The following KIAA1217 variants were observed in gnomAD, a reference collection of about 807,000 sequenced individuals.
The protein encoded by KIAA1217 is KIAA1217.
A neutral mutation model predicts 163.9 loss-of-function variants in KIAA1217; 88 were observed. That is an observed-to-expected ratio of 0.54 (90% CI 0.45 to 0.64). The LOEUF is 0.64. Among genes scored for constraint, KIAA1217 ranks in the 30% least tolerant of loss-of-function variants. The pLI is 0.00. For synonymous variants in KIAA1217, 903 were observed against 923.1 expected (o/e 0.98, Z 0.39); for missense variants, 2,372 against 2,475.0 (o/e 0.96, Z 0.88).
chr10:24,246,068 G>A lies in KIAA1217; in HGVS notation c.354+26159G>A, dbSNP rs142051330. ...AATTTTGCACAAAGAAGGGTTGCAC[G>A]GGCTCCGTTCATCTTTAACTTATTA... On this transcript the variant is annotated intron_variant, in intron 2 of 20. Coordinates refer to ENST00000376454, the MANE Select transcript of KIAA1217 (RefSeq NM_019590.5). Among the ~76,000 whole-genome samples, 113 of 152,212 alleles carry A rather than the reference G, an allele frequency of 7.4e-4. 1 individual carries two copies. The highest frequency in any genetic ancestry group is 6.4e-3 in the East Asian group (33 of 5,168).
chr10:24,481,578 G>A (rs1028531326), intron 6 of KIAA1217: 1 of 152,158 alleles, frequency 6.6e-6, no homozygotes, highest in Non-Finnish European at 1.5e-5. Context: ...GAGGAACGAC[G>A]ACAGGACTAA....
chr10:24,341,525 G>C (rs966802304), intron 2 of KIAA1217, among the ~76,000 whole-genome samples: 1 of 152,116 alleles, frequency 6.6e-6, no homozygotes, highest in Admixed American at 6.5e-5. Context: ...GATACGTATA[G>C]TATCTCCTCT....
At chr10:23,800,260 GA>G (rs1836408236) in intron 1 of KIAA1217, among the ~76,000 whole-genome samples, 1 of 152,118 alleles carries the variant, frequency 6.6e-6, no homozygotes, top group African/African-American at 2.4e-5. Context: ...TTCCTCAGTG[GA>G]TTTGAGGGGG....
intron 7 of KIAA1217, 114 bp downstream of exon 7, chr10:24,494,718 A>G: frequency 1.3e-6 from 1 of 796,150 alleles, no homozygotes; most frequent in South Asian, 1.8e-5. Flanking sequence ...GGCTGAAAAT[A>G]TTCACATCTC....
chr10:23,753,382 C>T (rs983821324), intron 1 of KIAA1217, among the ~76,000 whole-genome samples: 2 of 152,162 alleles, frequency 1.3e-5, no homozygotes, highest in South Asian at 2.1e-4. Flanking sequence ...TTGCACTGTA[C>T]GAAGCTGTGT....
chr10:23,779,073 A>G (rs964982723), intron 1 of KIAA1217, among the ~76,000 whole-genome samples: 3 of 152,288 alleles, frequency 2.0e-5, no homozygotes, highest in Admixed American at 2.0e-4. Context: ...CAATGTTTTT[A>G]TAAGATAACT....
chr10:24,543,165 C>CAG lies in KIAA1217; in HGVS notation c.3897_3898dup (p.Thr1300ArgfsTer3). On this transcript the variant is annotated frameshift_variant, in exon 19 of 21. Coordinates refer to ENST00000376454, the MANE Select transcript of KIAA1217 (RefSeq NM_019590.5). LOFTEE classifies it high-confidence loss of function. The stretch of plus-strand genomic sequence containing the variant: ...ATACTCTATACCTGACACCGAGAAC[C>CAG]AGACGCTGAATTACGGAAAGACAAA... 6.2e-7 allele frequency: 1 copy of CAG among 1,613,336 alleles called. No individual in the cohort carries two copies. The highest frequency in any genetic ancestry group is 8.5e-7 in the Non-Finnish European group (1 of 1,179,928).
chr10:23,969,101 C>T (rs1845192720), intron 1 of KIAA1217, among the ~76,000 whole-genome samples: 2 of 152,150 alleles, frequency 1.3e-5, no homozygotes, highest in Admixed American at 1.3e-4. Flanking sequence ...ATGGCACGAT[C>T]TCGGCTCACT....
At chr10:24,214,547 C>G (rs1416662112) in intron 1 of KIAA1217, among the ~76,000 whole-genome samples, 1 of 152,200 alleles carries the variant, frequency 6.6e-6, no homozygotes, top group African/African-American at 2.4e-5. Context: ...AATACATTGA[C>G]TGGAATTAGT....
At chr10:23,804,030 A>G (rs756355245) in intron 1 of KIAA1217, among the ~76,000 whole-genome samples, 12 of 152,252 alleles carry the variant, frequency 7.9e-5, no homozygotes, top group Non-Finnish European at 1.5e-4. Flanking sequence ...TTTTATATAC[A>G]TCATCATATA....
intron 1 of KIAA1217, among the ~76,000 whole-genome samples, chr10:24,001,920 A>T (rs1217509540): frequency 2.0e-5 from 3 of 152,108 alleles, no homozygotes; most frequent in South Asian, 4.1e-4. Context: ...TTTCAGGCAG[A>T]TACTGGATAT....
intron 1 of KIAA1217, among the ~76,000 whole-genome samples, chr10:23,976,648 G>C (rs1278668617): frequency 1.3e-5 from 2 of 152,158 alleles, no homozygotes; most frequent in Admixed American, 1.3e-4. Context: ...TATTAGGACA[G>C]ATTTAGAAAA....
intron 1 of KIAA1217, among the ~76,000 whole-genome samples, chr10:23,825,155 C>T (rs935783811): frequency 2.6e-5 from 4 of 152,158 alleles, no homozygotes; most frequent in Non-Finnish European, 4.4e-5. Flanking sequence ...TCTGCAAACC[C>T]TATTAGTGGT....
At chr10:23,743,917 C>T (rs1245892129) in intron 1 of KIAA1217, among the ~76,000 whole-genome samples, 1 of 151,886 alleles carries the variant, frequency 6.6e-6, no homozygotes, top group Non-Finnish European at 1.5e-5. Context: ...AAATAAATGT[C>T]TCTGAGAACC....
chr10:24,401,576 A>G (rs2056532272), intron 3 of KIAA1217, among the ~76,000 whole-genome samples: 1 of 152,206 alleles, frequency 6.6e-6, no homozygotes, highest in Admixed American at 6.5e-5. Flanking sequence ...CTCCCAGCAA[A>G]CTAGGAATAG....
At chr10:24,008,105 T>TA (rs1847076607) in intron 2 of KIAA1217, among the ~76,000 whole-genome samples, 1 of 152,142 alleles carries the variant, frequency 6.6e-6, no homozygotes, top group Non-Finnish European at 1.5e-5. Context: ...GCCCTCAACA[T>TA]TCTGCCTGCA....
At chr10:23,810,690 G>A (rs1463608269) in intron 1 of KIAA1217, among the ~76,000 whole-genome samples, 2 of 125,738 alleles carry the variant, frequency 1.6e-5, no homozygotes, top group Non-Finnish European at 3.1e-5. Flanking sequence ...GCTATATATA[G>A]TATACTATAT....
At chr10:23,934,924 ATTTTTTTAAAG>A (rs780631144) in intron 1 of KIAA1217, among the ~76,000 whole-genome samples, 2 of 151,726 alleles carry the variant, frequency 1.3e-5, no homozygotes, top group Non-Finnish European at 2.9e-5. Flanking sequence ...GCCAAAGTAT[ATTTTTTTAAAG>A]TTCTGTAGCA....
rs1164254661 is a variant in KIAA1217, at chr10:23,790,442, TAC to T, written c.-321+95210_-321+95211del. Among the ~76,000 whole-genome samples, 6 of 109,790 alleles carry T rather than the reference TAC, an allele frequency of 5.5e-5. 1 individual carries two copies. Among genetic ancestry groups the T allele is most frequent in the African/African-American group, 2.3e-4 (5 of 21,538 alleles). The allele number at this position is 109,790 out of a possible 152,430, so 72.0% of individuals were successfully genotyped here. A position where few individuals can be genotyped will look rare whatever the true frequency, so the allele number is the denominator to read the frequency against. On this transcript the variant is annotated intron_variant, in intron 1 of 18. Coordinates refer to the KIAA1217 transcript ENST00000376462. ...ATATACATATATACATATACATATA[TAC>T]ATATATACATGTGCATATATACATA...
Sources: gnomAD v4.1 joint callset for allele counts (sites outside exome capture counted in the v4.1 genomes callset) on GRCh38, gnomAD v4.1.1 for gene constraint, MANE v1.5 for transcripts, NCBI Gene and HGNC (gene_info 2026-07-23, HGNC 2026-07-21) for gene names.